The following GLRA1 variants were observed in gnomAD, a reference collection of about 807,000 sequenced individuals.
GLRA1 encodes glycine receptor alpha 1, also known as glycine receptor subunit alpha-1.
In GLRA1, 37 loss-of-function variants were observed where a neutral mutation model predicts 48.3. The observed-to-expected ratio is 0.77, with a 90% CI of 0.59 to 1.01. The LOEUF (loss-of-function observed/expected upper bound fraction) is 1.01, where lower values mean the gene tolerates loss of function less well. Among genes scored for constraint, GLRA1 ranks in the 50% least tolerant of loss-of-function variants. The pLI is 0.00. For synonymous variants in GLRA1, 196 were observed against 210.7 expected, an observed-to-expected ratio of 0.93 and a Z score of 0.60; for missense variants, 427 against 571.0, an observed-to-expected ratio of 0.75 and a Z score of 2.57.
chr5:151,849,244 TC>T (rs1752806126), intron 7 of GLRA1, among the ~76,000 whole-genome samples: 1 of 101,282 alleles, frequency 9.9e-6, no homozygotes, highest in African/African-American at 4.4e-5. Flanking sequence ...CTTCCTTCCT[TC>T]CTTCCCTTCT....
At chr5:151,856,492 T>A (rs1753047286) in intron 4 of GLRA1, 109 bp from the exon 5 acceptor site, 19 of 730,678 alleles carry the variant, frequency 2.6e-5, no homozygotes. Context: ...GGAAAGAAGG[T>A]CAGGGAACTT....
chr5:151,838,725 CAGAA>C (rs1400686084), intron 7 of GLRA1, among the ~76,000 whole-genome samples: 3 of 152,094 alleles, frequency 2.0e-5, no homozygotes, highest in East Asian at 3.9e-4. Context: ...GCAGTGGAGA[CAGAA>C]AGAATATTTA....
intron 1 of GLRA1, among the ~76,000 whole-genome samples, chr5:151,914,052 T>C (rs548399939): frequency 1.2e-4 from 19 of 152,376 alleles, no homozygotes; most frequent in Non-Finnish European, 2.1e-4. Context: ...ACAACAAATA[T>C]GTATTTGTAG....
At position 151,923,636 on chromosome 5, in the gene GLRA1, T is replaced by TTC. The variant is rs1754932635; in HGVS notation, c.56+856_56+857dup. 2.0e-5 allele frequency among the ~76,000 whole-genome samples: 3 copies of TTC among 152,360 alleles called. No individual in the cohort carries two copies. In the South Asian group the frequency reaches 6.2e-4, roughly 32 times the overall value. ...AAAGAGGTGATTTTTCACTTTTCACTTCTACTAACATAAGAAAGACAAGTC... is the reference window on the plus strand; with the variant it reads ...AAAGAGGTGATTTTTCACTTTTCACTTCTCTACTAACATAAGAAAGACAAGTC... On this transcript the variant is annotated intron_variant, in intron 1 of 8. Coordinates refer to ENST00000274576, the MANE Select transcript of GLRA1 (RefSeq NM_000171.4).
At chr5:151,861,720 C>T (rs1040465514) in intron 3 of GLRA1, among the ~76,000 whole-genome samples, 3 of 152,150 alleles carry the variant, frequency 2.0e-5, no homozygotes, top group Non-Finnish European at 4.4e-5. Context: ...ATCCAACTTA[C>T]AAGGGATGTG....
At chr5:151,831,294 GAC>G (rs1197390080) in intron 7 of GLRA1, among the ~76,000 whole-genome samples, 1 of 152,212 alleles carries the variant, frequency 6.6e-6, no homozygotes, top group African/African-American at 2.4e-5. Flanking sequence ...ACCCCAGCAA[GAC>G]AGAACCATTC....
chr5:151,849,992 G>A (rs72802219), intron 7 of GLRA1: 638,063 of 1,598,858 alleles, frequency 0.4, 129,699 homozygotes, highest in South Asian at 0.44. Flanking sequence ...GAGTACAACC[G>A]AAAGCCTGCA....
rs1220060322 is a variant in GLRA1 at position 151,822,811 on chromosome 5, C to T, written c.1212G>A (p.Met404Ile). ...PPAPSKSPEEMRKLFIQRAKK... is the reference protein window; with the variant it reads ...PPAPSKSPEEIRKLFIQRAKK... Reference sequence around the variant, plus strand: ...TGGCCCTCTGGATGAAGAGTTTTCGCATCTCCTCTGGGGACTTAGATGGTG... The same window carrying T: ...TGGCCCTCTGGATGAAGAGTTTTCGTATCTCCTCTGGGGACTTAGATGGTG... Residue 404 changes from methionine to isoleucine, a missense_variant, in exon 9 of 9, where the codon ATG (methionine) becomes ATA (isoleucine). This residue lies in a region of GLRA1 where 121 missense variants were observed against 96.5 expected (regional missense o/e 1.25). Transcript: ENST00000274576. 2 of 1,614,122 alleles carry T rather than the reference C, an allele frequency of 1.2e-6. No homozygotes were observed. Among genetic ancestry groups the T allele is most frequent in the Non-Finnish European group, 1.7e-6 (2 of 1,180,000 alleles).
At chr5:151,846,996 C>CT (rs751658864) in intron 7 of GLRA1, among the ~76,000 whole-genome samples, 2 of 152,178 alleles carry the variant, frequency 1.3e-5, no homozygotes, top group Non-Finnish European at 2.9e-5. Context: ...ACCTGCCCAT[C>CT]TATCTATCTA....
At chr5:151,829,136 A>G (rs932507820) in intron 7 of GLRA1, 69 bp from the exon 8 acceptor site, 4 of 1,504,012 alleles carry the variant, frequency 2.7e-6, no homozygotes, top group Admixed American at 3.4e-5. Context: ...GCATGGCGGA[A>G]TATTTTCTGC....
At chr5:151,862,313 A>C (rs971862477) in intron 3 of GLRA1, among the ~76,000 whole-genome samples, 2 of 152,256 alleles carry the variant, frequency 1.3e-5, no homozygotes, top group Non-Finnish European at 2.9e-5. Flanking sequence ...TGTTAGACCT[A>C]AAACCATTAA....
At chr5:151,913,813 G>T (rs1446234129) in intron 1 of GLRA1, among the ~76,000 whole-genome samples, 1 of 152,154 alleles carries the variant, frequency 6.6e-6, no homozygotes, top group Non-Finnish European at 1.5e-5. Context: ...ACAATGAAAT[G>T]AATAATAGTA....
At chr5:151,909,465 T>A (rs1476730442) in intron 1 of GLRA1, among the ~76,000 whole-genome samples, 1 of 152,236 alleles carries the variant, frequency 6.6e-6, no homozygotes, top group Admixed American at 6.5e-5. Flanking sequence ...GTCCTTCTGA[T>A]ACTTTCCATT....
Position 151,855,051 on chromosome 5 carries a change from T to A in GLRA1, c.686A>T (p.His229Leu). 2 of 1,614,172 alleles carry A rather than the reference T, an allele frequency of 1.2e-6. No individual in the cohort carries two copies. The highest frequency in any genetic ancestry group is 1.7e-6 in the Non-Finnish European group (2 of 1,180,026). The change falls in exon 6 of 9, where the codon CAC becomes CTC. Residue 229 changes from histidine (H) to leucine (L), a missense_variant. Coordinates refer to ENST00000274576, the MANE Select transcript of GLRA1 (RefSeq NM_000171.4). ...GCCCTTGTACCTACCTGTGTTGTAG[T>A]GCTTGGTGCAGTATCTCAAGTCCTT... ...EEKDLRYCTK[H>L]YNTGKFTCIE... is the part of the protein sequence containing the mutation.
chr5:151,880,283 GATCCT>G (rs1376061599), intron 3 of GLRA1, among the ~76,000 whole-genome samples: 3 of 152,184 alleles, frequency 2.0e-5, no homozygotes, highest in Non-Finnish European at 4.4e-5. Context: ...TACTCTGTGT[GATCCT>G]ATACACCATT....
In GLRA1 at chr5:151,834,644, A is replaced by G. The variant is rs564717282; in HGVS notation, c.913-5577T>C. ...TAAAATCAGAGCAGAACTGAAGGAG[A>G]TAGAAACATGAAAAACCCTTCAAAA... is the stretch of plus-strand genomic sequence containing the variant. On this transcript the variant is annotated intron_variant, in intron 7 of 8. Coordinates refer to ENST00000274576, the MANE Select transcript of GLRA1 (RefSeq NM_000171.4). Among the ~76,000 whole-genome samples, 14 of 152,310 alleles carry G rather than the reference A, an allele frequency of 9.2e-5. No individual in the cohort carries two copies. The South Asian group carries it at 1.7e-3, about 18-fold the overall frequency.
chr5:151,889,021 C>T (rs1468108439), intron 2 of GLRA1, among the ~76,000 whole-genome samples: 1 of 152,002 alleles, frequency 6.6e-6, no homozygotes, highest in Non-Finnish European at 1.5e-5. Context: ...ATTAAGATAC[C>T]CCAAGGAGTT....
intron 6 of GLRA1, among the ~76,000 whole-genome samples, chr5:151,851,916 A>G (rs534254975): frequency 6.6e-6 from 1 of 152,088 alleles, no homozygotes; most frequent in Non-Finnish European, 1.5e-5. Flanking sequence ...TGTTACCATC[A>G]TCATCATCAT....
intron 1 of GLRA1, among the ~76,000 whole-genome samples, chr5:151,893,344 C>CTTTA (rs1295031095): frequency 1.4e-5 from 2 of 146,394 alleles, no homozygotes; most frequent in African/African-American, 2.6e-5. Flanking sequence ...TTCTTTCTTT[C>CTTTA]TTTCTTTCTT....
Sources: allele counts gnomAD v4.1 joint callset (sites outside exome capture counted in the v4.1 genomes callset), GRCh38; gene constraint gnomAD v4.1.1; regional missense constraint gnomAD v4.1.1; transcripts MANE v1.5; gene names NCBI Gene and HGNC (gene_info 2026-07-23, HGNC 2026-07-21).